Variants in NRP2 observed in about 807,000 individuals in gnomAD.
The protein encoded by NRP2 is neuropilin-2.
NRP2 carries 52 observed loss-of-function variants against 110.4 expected under a neutral mutation model. The ratio of observed to expected loss-of-function variants is 0.47; its 90% CI spans 0.38 to 0.59. The LOEUF (loss-of-function observed/expected upper bound fraction) is 0.59, where lower values mean the gene tolerates loss of function less well. Ranked by LOEUF, NRP2 falls within the 20% of genes least tolerant of loss-of-function variation. NRP2 has a pLI of 0.00. For synonymous variants in NRP2, 508 were observed against 468.9 expected (o/e 1.08, Z -1.08); for missense variants, 1,049 against 1,203.0 (o/e 0.87, Z 1.89).
Position 205,683,307 on chromosome 2 carries a change from T to A in NRP2, c.17T>A (p.Leu6His). ...TTCTCCAAAATGGATATGTTTCCTC[T>A]CACCTGGGTTTTCTTAGCCCTCTAC... The part of the protein sequence containing the change: MDMFP[L>H]TWVFLALYFS... The change falls in exon 1 of 17, where the codon CTC becomes CAC. Residue 6 changes from leucine (L) to histidine (H), a missense_variant. Leu to His is a moderately conservative substitution (Grantham distance 99). Transcript: ENST00000357785. 1 of 1,613,804 alleles carries A rather than the reference T, an allele frequency of 6.2e-7. No individual in the cohort carries two copies. The highest frequency in any genetic ancestry group is 8.5e-7 in the Non-Finnish European group (1 of 1,179,716).
At position 205,794,814 on chromosome 2, in the gene NRP2, C is replaced by T. The variant is rs761518491; in HGVS notation, c.2537C>T (p.Ser846Leu). ...GCAACCTCAGGGTCTGGCGCCCCCT[C>T]GACCGACAAAGAAAAGAGCTGGCTG... ...SSATSGSGAPSTDKEKSWLYT... is the reference protein window; with the variant it reads ...SSATSGSGAPLTDKEKSWLYT... The change falls in exon 17 of 17, where the codon TCG becomes TTG. Residue 846 changes from serine (S) to leucine (L), a missense_variant. Ser to Leu is a moderately radical substitution (Grantham distance 145). Coordinates refer to ENST00000357785, the MANE Select transcript of NRP2 (RefSeq NM_003872.3). The T allele has an allele frequency of 9.0e-5, 146 of 1,614,056 alleles. No homozygotes were observed. Among genetic ancestry groups the T allele is most frequent in the Non-Finnish European group, 1.1e-4 (134 of 1,180,042 alleles).
intron 8 of NRP2, among the ~76,000 whole-genome samples, chr2:205,741,616 C>G (rs2057443454): frequency 1.3e-5 from 2 of 152,218 alleles, no homozygotes; most frequent in African/African-American, 4.8e-5. Flanking sequence ...TCCCCTTTAT[C>G]TTGTGGGCTC....
At chr2:205,785,240 C>T (rs1443088925) in intron 15 of NRP2, among the ~76,000 whole-genome samples, 1 of 152,168 alleles carries the variant, frequency 6.6e-6, no homozygotes, top group East Asian at 1.9e-4. Context: ...CAAGGTTGTA[C>T]CAAACCACTC....
intron 10 of NRP2, 52 bp from the exon 11 acceptor site, chr2:205,749,673 T>C: frequency 7.0e-7 from 1 of 1,425,228 alleles, no homozygotes; most frequent in Non-Finnish European, 9.9e-7. Context: ...TCCTGCTGGG[T>C]TGCAACACAG....
At position 205,763,746 on chromosome 2, in the gene NRP2, CT is replaced by C. The variant is rs779617179; in HGVS notation, c.2118del (p.Val707SerfsTer69). 7 of 1,614,116 alleles carry C rather than the reference CT, an allele frequency of 4.3e-6. No homozygotes were observed. The Admixed American group carries it at 5.0e-5, about 12-fold the overall frequency. Reference sequence around the variant, plus strand: ...CAGTATGCCCGGCTCATCAGCCCCCCTGTCCACCTGCCCCGAAGCCCGGTGT... The same window carrying C: ...CAGTATGCCCGGCTCATCAGCCCCCCGTCCACCTGCCCCGAAGCCCGGTGT... ...EGQYARLISP[P>X]VHLPRSPVCM... On this transcript the variant is annotated frameshift_variant, in exon 13 of 17. Transcript: ENST00000357785. LOFTEE classifies it high-confidence loss of function. This position sits in a 1 kb window ranked among gnomAD's most constrained non-coding sequence, Gnocchi z 4.0.
At chr2:205,728,790 C>T (rs967742040) in intron 7 of NRP2, among the ~76,000 whole-genome samples, 12 of 152,354 alleles carry the variant, frequency 7.9e-5, no homozygotes, top group Non-Finnish European at 1.8e-4. Flanking sequence ...GGGCTTATTG[C>T]AAACAGCCAG....
At position 205,765,454 on chromosome 2, in the gene NRP2, C is replaced by G. The variant is rs776777439; in HGVS notation, c.2308-20C>G. ...CTAGGAGACTCAGTTAACCATGGCT[C>G]TTATTCTTCCGGCTTCTAGATTGTG... On this transcript the variant is annotated intron_variant, in intron 13 of 16. Transcript: ENST00000357785. 2.5e-6 allele frequency: 4 copies of G among 1,609,114 alleles called. No individual in the cohort carries two copies. In the South Asian group the frequency reaches 4.4e-5, roughly 18 times the overall value.
chr2:205,766,104 AGTT>A (rs772008823), intron 14 of NRP2, among the ~76,000 whole-genome samples: 2 of 152,244 alleles, frequency 1.3e-5, no homozygotes, highest in Non-Finnish European at 2.9e-5. Context: ...AAGATCCCAA[AGTT>A]GTTGTAGGAT....
intron 2 of NRP2, among the ~76,000 whole-genome samples, chr2:205,704,503 C>A (rs2056632804): frequency 6.6e-6 from 1 of 152,174 alleles, no homozygotes; most frequent in South Asian, 2.1e-4. Flanking sequence ...AGAAACAGAT[C>A]CACCTCCAGG....
intron 1 of NRP2, among the ~76,000 whole-genome samples, chr2:205,694,094 G>C (rs1047507671): frequency 6.6e-6 from 1 of 152,208 alleles, no homozygotes. Context: ...AAGTGAAGGG[G>C]TACAACATCC....
intron 7 of NRP2, among the ~76,000 whole-genome samples, chr2:205,737,196 A>G (rs2057359985): frequency 6.6e-6 from 1 of 152,242 alleles, no homozygotes; most frequent in Non-Finnish European, 1.5e-5. Context: ...GGCACTCCCC[A>G]TGTGTTCTGG....
chr2:205,771,865 A>T (rs1294573153), intron 15 of NRP2, among the ~76,000 whole-genome samples: 1 of 152,276 alleles, frequency 6.6e-6, no homozygotes, highest in African/African-American at 2.4e-5. Context: ...AAAAGCATCC[A>T]TAAGCAATAT....
rs150289740 is a variant in NRP2 at position 205,772,192 on chromosome 2, C to T, written c.2425+5389C>T. On this transcript the variant is annotated intron_variant, in intron 15 of 16. Transcript: ENST00000357785. ...CCTTTGGAGGGTCATGAGGAATAAA[C>T]AAAATTGATTCATGTGAAGCCCGTA... 1.1e-3 allele frequency among the ~76,000 whole-genome samples: 166 copies of T among 152,310 alleles called. 3 individuals carry two copies. The South Asian group carries it at 0.012, about 11-fold the overall frequency.
intron 12 of NRP2, among the ~76,000 whole-genome samples, chr2:205,759,924 T>C (rs1173165615): frequency 6.6e-6 from 1 of 152,198 alleles, no homozygotes; most frequent in Non-Finnish European, 1.5e-5. Context: ...TTTGTATCCA[T>C]TTTACAGATG....
intron 3 of NRP2, among the ~76,000 whole-genome samples, chr2:205,717,599 G>A (rs1457734093): frequency 6.6e-6 from 1 of 152,220 alleles, no homozygotes; most frequent in Non-Finnish European, 1.5e-5. Flanking sequence ...GCAGGGCACA[G>A]GTCCCAAGAA....
intron 2 of NRP2, among the ~76,000 whole-genome samples, chr2:205,698,311 G>T (rs1423295012): frequency 6.6e-6 from 1 of 151,874 alleles, no homozygotes; most frequent in Non-Finnish European, 1.5e-5. Context: ...CAGTGTCATG[G>T]ATTTATTTAA....
chr2:205,791,121 C>T (rs891054589), intron 15 of NRP2, among the ~76,000 whole-genome samples: 2 of 152,212 alleles, frequency 1.3e-5, no homozygotes, highest in Admixed American at 1.3e-4. Flanking sequence ...AGTAGATCTT[C>T]CCCGAGATGT....
intron 6 of NRP2, 31 bp downstream of exon 6, chr2:205,726,113 G>A: frequency 6.2e-7 from 1 of 1,612,472 alleles, no homozygotes; most frequent in South Asian, 1.1e-5. Flanking sequence ...GGATGTGAGA[G>A]TGTGTATGTA....
In NRP2 at chr2:205,763,986, G is replaced by T; in HGVS notation, c.2307+50G>T. On this transcript the variant is annotated intron_variant, in intron 13 of 16. Transcript: ENST00000357785. This position sits in a 1 kb window ranked among gnomAD's most constrained non-coding sequence, Gnocchi z 4.0. ...TGTGATCCGTATTTCAATATTTCAAGGGCCGAGCCCATTCATCGTTAGGGA... is the reference window on the plus strand; with the variant it reads ...TGTGATCCGTATTTCAATATTTCAATGGCCGAGCCCATTCATCGTTAGGGA... 6.2e-7 allele frequency: 1 copy of T among 1,607,652 alleles called. No homozygotes were observed. Among genetic ancestry groups the T allele is most frequent in the Non-Finnish European group, 8.5e-7 (1 of 1,175,832 alleles).
Sources: gnomAD v4.1 joint callset for allele counts (sites outside exome capture counted in the v4.1 genomes callset) on GRCh38, gnomAD v4.1.1 for gene constraint, Gnocchi (gnomAD v3.1) non-coding constraint, MANE v1.5 for transcripts, NCBI Gene and HGNC (gene_info 2026-07-23, HGNC 2026-07-21) for gene names.